The following ORC5 variants were observed in gnomAD, a reference collection of about 807,000 sequenced individuals.
The protein encoded by ORC5 is origin recognition complex subunit 5, also known as protein phosphatase 1, regulatory subunit 117.
In ORC5, 39 loss-of-function variants were observed where a neutral mutation model predicts 58.8. The ratio of observed to expected loss-of-function variants is 0.66; its 90% CI spans 0.51 to 0.87. The LOEUF is 0.87. Among genes scored for constraint, ORC5 ranks in the 40% least tolerant of loss-of-function variants. The pLI is 0.00. For synonymous variants in ORC5, 218 were observed against 177.6 expected, an observed-to-expected ratio of 1.23 and a Z score of -1.81; for missense variants, 493 against 506.3, an observed-to-expected ratio of 0.97 and a Z score of 0.25.
chr7:104,207,807 T>A, intron 1 of ORC5, 26 bp downstream of exon 1: 1 of 1,594,108 alleles, frequency 6.3e-7, no homozygotes, highest in Non-Finnish European at 8.6e-7. Context: ...GCCTCCAGGA[T>A]CTGGAAGACA....
At chr7:104,161,494 T>C (rs1231912949) in intron 11 of ORC5, among the ~76,000 whole-genome samples, 1 of 152,170 alleles carries the variant, frequency 6.6e-6, no homozygotes, top group Non-Finnish European at 1.5e-5. Flanking sequence ...GATTCTCCTC[T>C]TGAGTAGCTA....
chr7:104,128,392 GGAT>G (rs1798462012), intron 13 of ORC5, among the ~76,000 whole-genome samples: 2 of 152,158 alleles, frequency 1.3e-5, no homozygotes, highest in South Asian at 4.1e-4. Flanking sequence ...CAAAGTGCTA[GGAT>G]CACAGGCGTG....
At chr7:104,205,600 C>T in intron 1 of ORC5, among the ~76,000 whole-genome samples, 1 of 152,152 alleles carries the variant, frequency 6.6e-6, no homozygotes, top group Non-Finnish European at 1.5e-5. Flanking sequence ...TGGCATACAG[C>T]TATGGCAAAA....
intron 11 of ORC5, among the ~76,000 whole-genome samples, chr7:104,164,528 A>G (rs1799076060): frequency 6.6e-6 from 1 of 152,238 alleles, no homozygotes; most frequent in East Asian, 1.9e-4. Flanking sequence ...AAGTCCTGGA[A>G]TTGAGCAAAA....
At chr7:104,176,293 G>A (rs1438398409) in intron 8 of ORC5, among the ~76,000 whole-genome samples, 1 of 152,184 alleles carries the variant, frequency 6.6e-6, no homozygotes, top group African/African-American at 2.4e-5. Flanking sequence ...CAAATGACAT[G>A]TGACTTAAAT....
At chr7:104,137,667 C>T (rs1285653204) in intron 12 of ORC5, among the ~76,000 whole-genome samples, 8 of 152,116 alleles carry the variant, frequency 5.3e-5, no homozygotes, top group Admixed American at 2.6e-4. Flanking sequence ...AGCAACATAC[C>T]GGCAGACACC....
intron 12 of ORC5, among the ~76,000 whole-genome samples, chr7:104,144,068 G>A (rs1584482308): frequency 6.6e-6 from 1 of 152,038 alleles, no homozygotes; most frequent in Non-Finnish European, 1.5e-5. Flanking sequence ...GCAGTGAGCT[G>A]AGATCGCACC....
intron 1 of ORC5, 60 bp downstream of exon 1, chr7:104,207,773 G>A: frequency 6.6e-7 from 1 of 1,507,658 alleles, no homozygotes; most frequent in South Asian, 1.1e-5. Flanking sequence ...TATTGGAACA[G>A]GTCGCAAGAC....
chr7:104,200,989 A>G, intron 2 of ORC5, 31 bp from the exon 3 acceptor site: 3 of 1,565,346 alleles, frequency 1.9e-6, no homozygotes, highest in Non-Finnish European at 2.6e-6. Context: ...ACTGTAAGTA[A>G]AGAAGAAAAC....
chr7:104,139,942 T>C (rs1391300709), intron 12 of ORC5, among the ~76,000 whole-genome samples: 1 of 152,016 alleles, frequency 6.6e-6, no homozygotes. Context: ...TTCTGCTTTG[T>C]AGTTTTTAAG....
At chr7:104,203,058 G>C (rs1294094693) in intron 2 of ORC5, among the ~76,000 whole-genome samples, 1 of 152,204 alleles carries the variant, frequency 6.6e-6, no homozygotes, top group Non-Finnish European at 1.5e-5. Flanking sequence ...TAGAGTATAA[G>C]TAGAAGAAAA....
chr7:104,159,007 G>A (rs563957044), intron 12 of ORC5, among the ~76,000 whole-genome samples: 1 of 109,956 alleles, frequency 9.1e-6, no homozygotes, highest in Admixed American at 8.6e-5. Flanking sequence ...AAATCACGCT[G>A]TTATAAAGAC....
At chr7:104,205,223 G>A (rs570631701) in intron 1 of ORC5, among the ~76,000 whole-genome samples, 23 of 150,904 alleles carry the variant, frequency 1.5e-4, no homozygotes, top group Non-Finnish European at 3.4e-4. Context: ...CTGAGTAGCT[G>A]GGATTACAGG....
intron 12 of ORC5, among the ~76,000 whole-genome samples, chr7:104,150,930 C>A (rs1228496573): frequency 6.6e-6 from 1 of 151,948 alleles, no homozygotes; most frequent in African/African-American, 2.4e-5. Context: ...AGAAAATGAA[C>A]TAAAAGGGAG....
chr7:104,204,292 A>G (rs1800020513), intron 1 of ORC5, 58 bp from the exon 2 acceptor site: 2 of 987,726 alleles, frequency 2.0e-6, no homozygotes, highest in Admixed American at 4.4e-5. Flanking sequence ...ATAAACACTT[A>G]TCAACTTGTG....
At position 104,138,808 on chromosome 7, in the gene ORC5, A is replaced by AC. The variant is rs1175593318; in HGVS notation, c.1150-1916dup. 1.3e-5 allele frequency among the ~76,000 whole-genome samples: 2 copies of AC among 152,240 alleles called. No homozygotes were observed. Among genetic ancestry groups the AC allele is most frequent in the African/African-American group, 2.4e-5 (1 of 41,568 alleles). Reference sequence around the variant, plus strand: ...TTAGAGGCGTGAGCCCCCGCACCCAACCATTGCTTTAAAACTTATTGCTGA... The same window carrying AC: ...TTAGAGGCGTGAGCCCCCGCACCCAACCCATTGCTTTAAAACTTATTGCTGA... On this transcript the variant is annotated intron_variant, in intron 12 of 13. Transcript: ENST00000297431. The surrounding 1 kb of genome is among the most constrained non-coding windows in gnomAD (Gnocchi z 4.7).
intron 3 of ORC5, among the ~76,000 whole-genome samples, chr7:104,199,755 T>C (rs944894445): frequency 6.6e-6 from 1 of 152,226 alleles, no homozygotes; most frequent in African/African-American, 2.4e-5. Flanking sequence ...TTTGGGGGAC[T>C]ATTGGGAAGC....
Position 104,157,097 on chromosome 7 carries a change from A to G in ORC5, c.1149+3975T>C, listed in dbSNP as rs374844813. On this transcript the variant is annotated intron_variant, in intron 12 of 13. Transcript: ENST00000297431. ...ATGGTTAAGAGTATAATTTTGATAG[A>G]AGAATAAAAGGAGAAAGAAGAAAAC... Among the ~76,000 whole-genome samples the G allele has an allele frequency of 1.2e-4, 18 of 152,048 alleles. No individual in the cohort carries two copies. The East Asian group carries it at 3.1e-3, about 26-fold the overall frequency.
chr7:104,161,935 A>C (rs1799032070), intron 11 of ORC5, among the ~76,000 whole-genome samples: 1 of 152,204 alleles, frequency 6.6e-6, no homozygotes, highest in South Asian at 2.1e-4. Flanking sequence ...AAAATTCAAC[A>C]CCAGTAGCTC....
Sources: allele counts gnomAD v4.1 joint callset (sites outside exome capture counted in the v4.1 genomes callset), GRCh38; gene constraint gnomAD v4.1.1; non-coding constraint Gnocchi (gnomAD v3.1); transcripts MANE v1.5; gene names NCBI Gene and HGNC (gene_info 2026-07-23, HGNC 2026-07-21).